The following SLC75A1 variants were observed in gnomAD, a reference collection of about 807,000 sequenced individuals.
SLC75A1 encodes the protein solute carrier family 75 member 1, also known as major facilitator superfamily domain containing 10.
chr4:2,933,765 G>A, the SLC75A1 span: 12 of 1,598,632 alleles, frequency 7.5e-6, no homozygotes, highest in Non-Finnish European at 1.0e-5. Flanking sequence ...GGGCACGGCC[G>A]TGGCTCTCCA....
the SLC75A1 span, chr4:2,930,816 C>T: frequency 4.3e-6 from 7 of 1,611,684 alleles, no homozygotes; most frequent in Non-Finnish European, 5.9e-6. Flanking sequence ...CTGGTGCCCA[C>T]AGCCTGGGCA....
chr4:2,932,031 G>A, the SLC75A1 span: 1 of 1,609,840 alleles, frequency 6.2e-7, no homozygotes, highest in Non-Finnish European at 8.5e-7. Flanking sequence ...CGCTTGGGTT[G>A]GTCGAGTCCT....
chr4:2,933,923 TGGTGGGCTGCTCTGACCTGGCCTG>T, the SLC75A1 span: 1 of 1,561,052 alleles, frequency 6.4e-7, no homozygotes. Context: ...CCCCATCCCA[TGGTGGGCTGCTCTGACCTGGCCTG>T]GGTGGGGTGC....
the SLC75A1 span, chr4:2,934,203 C>A: frequency 2.2e-6 from 1 of 458,022 alleles, no homozygotes; most frequent in Non-Finnish European, 3.9e-6. Flanking sequence ...CATCGCGGAC[C>A]TGGCCCCACC....
chr4:2,930,722 GC>G, the SLC75A1 span: 8 of 1,203,130 alleles, frequency 6.6e-6, no homozygotes, highest in Non-Finnish European at 9.2e-6. Flanking sequence ...TTAGGGGCCG[GC>G]CCCCACCCAC....
At chr4:2,931,913 C>G in the SLC75A1 span, 46 of 1,610,314 alleles carry the variant, frequency 2.9e-5, no homozygotes, top group Non-Finnish European at 3.8e-5. Flanking sequence ...TAGACTAGGC[C>G]CAGGCGGCGC....
At chr4:2,932,850 A>G in the SLC75A1 span, 4 of 1,451,334 alleles carry the variant, frequency 2.8e-6, no homozygotes, top group East Asian at 2.4e-5. Context: ...AACACCCCTC[A>G]ACCCTGCCCT....
the SLC75A1 span, chr4:2,932,650 T>C: frequency 6.2e-7 from 1 of 1,612,642 alleles, no homozygotes; most frequent in Non-Finnish European, 8.5e-7. Context: ...ACGATGGCCG[T>C]GGAGAGGCTG....
the SLC75A1 span, chr4:2,932,163 T>C: frequency 6.3e-7 from 1 of 1,599,602 alleles, no homozygotes; most frequent in East Asian, 2.2e-5. Flanking sequence ...CCTGTGGGGA[T>C]GGCATTGGAG....
At chr4:2,930,958 G>T in the SLC75A1 span, 1 of 1,613,036 alleles carries the variant, frequency 6.2e-7, no homozygotes, top group East Asian at 2.2e-5. Flanking sequence ...AGTACACTGC[G>T]GAGAGACGGT....
At chr4:2,934,476 C>CGCGCGCCCCCGGTCCCGCCCCCCACCCT in the SLC75A1 span, 1 of 133,802 alleles carries the variant, frequency 7.5e-6, no homozygotes, top group Non-Finnish European at 1.6e-5. Context: ...GCCCCCACCC[C>CGCGCGCCCCCGGTCCCGCCCCCCACCCT]GCGCGCCCCC....
At chr4:2,933,094 C>G in the SLC75A1 span, 4 of 1,612,898 alleles carry the variant, frequency 2.5e-6, no homozygotes, top group Non-Finnish European at 3.4e-6. Context: ...GCACCCAGGC[C>G]CAGGAACATA....
the SLC75A1 span, chr4:2,930,981 T>TC: frequency 6.2e-7 from 1 of 1,612,582 alleles, no homozygotes; most frequent in South Asian, 1.1e-5. Flanking sequence ...CGTCACCCAG[T>TC]CCCCGAGGGG....
At chr4:2,932,719 G>A in the SLC75A1 span, 142 of 1,597,732 alleles carry the variant, frequency 8.9e-5, no homozygotes, top group East Asian at 8.9e-5. Context: ...GCAAAGCTCC[G>A]AGAGGTGGCC....
chr4:2,933,532 T>A, the SLC75A1 span: 1 of 1,607,482 alleles, frequency 6.2e-7, no homozygotes, highest in Admixed American at 1.7e-5. Context: ...CATAGGACCG[T>A]AGAGAGCCCG....
chr4:2,934,222 C>G, the SLC75A1 span: 1 of 395,924 alleles, frequency 2.5e-6, no homozygotes, highest in Non-Finnish European at 4.6e-6. Flanking sequence ...CCCCACCCCA[C>G]GGCCGCGCCT....
At chr4:2,933,434 G>A in the SLC75A1 span, 1 of 1,039,874 alleles carries the variant, frequency 9.6e-7, no homozygotes, top group Non-Finnish European at 1.5e-6. Context: ...GGACATGTGG[G>A]CAAGGGCACC....
At chr4:2,932,803 C>A in the SLC75A1 span, 1 of 1,527,522 alleles carries the variant, frequency 6.5e-7, no homozygotes, top group Non-Finnish European at 8.8e-7. Context: ...TCGCTTAAGG[C>A]CAGGAGTGGC....
the SLC75A1 span, chr4:2,934,637 A>G: frequency 1.0e-4 from 3 of 29,760 alleles, no homozygotes; most frequent in Non-Finnish European, 1.9e-4. Flanking sequence ...TACCCTGCGC[A>G]CCTCTCACCC....
Sources: gnomAD v4.1 joint callset for allele counts on GRCh38, gnomAD v4.1.1 for gene constraint, MANE v1.5 for transcripts, NCBI Gene and HGNC (gene_info 2026-07-23, HGNC 2026-07-21) for gene names.